AAK1: variants seen among roughly 807,000 people sequenced by gnomAD.
AAK1 encodes AP2-associated protein kinase 1.
A neutral mutation model predicts 116.0 loss-of-function variants in AAK1; 37 were observed. The observed-to-expected ratio is 0.32, with a 90% CI of 0.25 to 0.42. AAK1 has a LOEUF of 0.42. AAK1 is among the 10% of genes least tolerant of loss of function. AAK1 has a pLI of 1.00. For missense variants in AAK1, 919 were observed against 1,170.6 expected, an observed-to-expected ratio of 0.79 and a Z score of 3.14; for synonymous variants, 458 against 439.9, an observed-to-expected ratio of 1.04 and a Z score of -0.51.
chr2:69,630,333 C>T lies in AAK1; in HGVS notation c.163+12545G>A, dbSNP rs1304349084. On this transcript the variant is annotated intron_variant, in intron 2 of 21. Coordinates refer to ENST00000409085, the MANE Select transcript of AAK1 (RefSeq NM_014911.5). ...GGGTTTGTGAATACTCTGAGTGGGG[C>T]GGGGGGTGGGGGGGGAGGGGGAGGG... 7.7e-4 allele frequency among the ~76,000 whole-genome samples: 11 copies of T among 14,232 alleles called. No individual in the cohort carries two copies. In the East Asian group the frequency reaches 0.011, roughly 15 times the overall value. 9.3% of individuals were successfully genotyped at this position (14,232 alleles called of 152,430 possible).
chr2:69,637,012 T>C (rs1172305956), intron 2 of AAK1, among the ~76,000 whole-genome samples: 1 of 152,204 alleles, frequency 6.6e-6, no homozygotes, highest in Non-Finnish European at 1.5e-5. Flanking sequence ...TTTTAGATAA[T>C]TTAAATAGCC....
chr2:69,482,797 C>A lies in AAK1; in HGVS notation c.2381G>T (p.Gly794Val), dbSNP rs1302258903. 6.2e-7 allele frequency: 1 copy of A among 1,612,516 alleles called. No individual in the cohort carries two copies. Among genetic ancestry groups the A allele is most frequent in the South Asian group, 1.1e-5 (1 of 91,020 alleles). Residue 794 changes from glycine (G) to valine (V), a missense_variant, in exon 18 of 22, where the codon GGA becomes GTA. By Grantham distance (109) the Gly-to-Val change is moderately radical. This residue lies in a region of AAK1 where 263 missense variants were observed against 285.5 expected (regional missense o/e 0.92). Coordinates refer to ENST00000409085, the MANE Select transcript of AAK1 (RefSeq NM_014911.5). ...AAGAGAAGTGTCAGGAGATTTGAGTCCCTCAATTAGTTTTTCTACGTTGGG... is the reference window on the plus strand; with the variant it reads ...AAGAGAAGTGTCAGGAGATTTGAGTACCTCAATTAGTTTTTCTACGTTGGG... Reference protein sequence around the residue: ...VPDAPEKLIEGLKSPDTSLLL... With the variant: ...VPDAPEKLIEVLKSPDTSLLL...
At chr2:69,558,719 T>C (rs904781666) in intron 2 of AAK1, among the ~76,000 whole-genome samples, 4 of 152,172 alleles carry the variant, frequency 2.6e-5, no homozygotes, top group African/African-American at 7.2e-5. Context: ...GGAATTTGAA[T>C]TGGGGTTATG....
In AAK1 at chr2:69,520,360, T is replaced by C. The variant is rs948863190; in HGVS notation, c.1210+474A>G. ...GCCATTTGCGATACAATTCTTTTCT[T>C]TTTTTTTTTTTTTTTTTGAAGCGGA... On this transcript the variant is annotated intron_variant, in intron 11 of 21. Transcript: ENST00000409085. Among the ~76,000 whole-genome samples the C allele has an allele frequency of 2.1e-4, 30 of 144,422 alleles. No individual in the cohort carries two copies. In the East Asian group the frequency reaches 5.3e-3, roughly 26 times the overall value. 94.7% of individuals were successfully genotyped at this position (144,422 alleles called of 152,430 possible). A position where few individuals can be genotyped will look rare whatever the true frequency, so the allele number is the denominator to read the frequency against.
chr2:69,551,383 C>T (rs1184940524), intron 3 of AAK1, among the ~76,000 whole-genome samples: 4 of 152,128 alleles, frequency 2.6e-5, no homozygotes, highest in Non-Finnish European at 5.9e-5. Context: ...TGTACATGTA[C>T]CCTGGAACTT....
At chr2:69,535,242 A>G (rs1308172038) in intron 5 of AAK1, among the ~76,000 whole-genome samples, 1 of 152,224 alleles carries the variant, frequency 6.6e-6, no homozygotes, top group East Asian at 1.9e-4. Context: ...CACACAAAGG[A>G]TAAATGCTTG....
chr2:69,474,834 A>T lies in AAK1; in HGVS notation c.*1035T>A. On this transcript the variant is annotated 3_prime_UTR_variant, in exon 22 of 22. Transcript: ENST00000409085. ...TCAAAACCCTGTACAGACACCTGAT[A>T]TCAGACTTGAAATGCCAAGTGGAAA... 1 of 985,862 alleles carries T rather than the reference A, an allele frequency of 1.0e-6. No individual in the cohort carries two copies. Among genetic ancestry groups the T allele is most frequent in the South Asian group, 4.7e-5 (1 of 21,292 alleles). 61.1% of individuals were successfully genotyped at this position (985,862 alleles called of 1,614,324 possible). A position where few individuals can be genotyped will look rare whatever the true frequency, so the allele number is the denominator to read the frequency against.
At chr2:69,564,211 A>AAAAAG (rs1236120996) in intron 2 of AAK1, among the ~76,000 whole-genome samples, 1 of 152,116 alleles carries the variant, frequency 6.6e-6, no homozygotes, top group African/African-American at 2.4e-5. Context: ...AGAAAAAAGA[A>AAAAAG]AAAAGAAAAG....
intron 19 of AAK1, 89 bp downstream of exon 19, chr2:69,480,771 G>T: frequency 8.9e-7 from 1 of 1,127,122 alleles, no homozygotes; most frequent in Non-Finnish European, 1.3e-6. Flanking sequence ...TTCAAAATAA[G>T]CCCAGGAACG....
intron 16 of AAK1, among the ~76,000 whole-genome samples, chr2:69,500,686 T>TAC (rs1293878729): frequency 4.2e-4 from 46 of 110,460 alleles, no homozygotes; most frequent in African/African-American, 1.6e-3. Flanking sequence ...TATATATATA[T>TAC]ATATATATAT....
At chr2:69,580,454 C>T (rs919028503) in intron 2 of AAK1, among the ~76,000 whole-genome samples, 1 of 152,050 alleles carries the variant, frequency 6.6e-6, no homozygotes, top group Non-Finnish European at 1.5e-5. Flanking sequence ...GGGAGCTGCA[C>T]GGAAACCATA....
intron 14 of AAK1, among the ~76,000 whole-genome samples, 198 bp downstream of exon 14, chr2:69,509,033 C>A (rs1676292953): frequency 6.6e-6 from 1 of 152,190 alleles, no homozygotes; most frequent in Non-Finnish European, 1.5e-5. Context: ...AAATTCACAG[C>A]TGCTCATTAA....
intron 2 of AAK1, among the ~76,000 whole-genome samples, chr2:69,614,915 A>G (rs1165521143): frequency 6.6e-6 from 1 of 152,098 alleles, no homozygotes; most frequent in African/African-American, 2.4e-5. Flanking sequence ...GCAAGAAATG[A>G]TTCTCCCCTG....
intron 2 of AAK1, among the ~76,000 whole-genome samples, chr2:69,622,404 G>A (rs1018320772): frequency 3.9e-5 from 6 of 151,928 alleles, no homozygotes; most frequent in Non-Finnish European, 8.8e-5. Context: ...CCCATCAACT[G>A]CCCAAGGGCT....
In AAK1 at chr2:69,466,641, G is replaced by A; in HGVS notation, c.*9228C>T. 2.8e-6 allele frequency: 3 copies of A among 1,087,242 alleles called. No homozygotes were observed. Among genetic ancestry groups the A allele is most frequent in the South Asian group, 2.4e-5 (1 of 40,960 alleles). 67.3% of individuals were successfully genotyped at this position (1,087,242 alleles called of 1,614,324 possible). A position where few individuals can be genotyped will look rare whatever the true frequency, so the allele number is the denominator to read the frequency against. On this transcript the variant is annotated 3_prime_UTR_variant, in exon 22 of 22. Transcript: ENST00000409085. ...GGTCAACCCGCGGCAAAAACATTGT[G>A]GGACCAAATAATAGATGTTGAAAAT...
chr2:69,486,048 G>A (rs939780557), intron 17 of AAK1, among the ~76,000 whole-genome samples: 3 of 151,858 alleles, frequency 2.0e-5, no homozygotes, highest in Non-Finnish European at 4.4e-5. Context: ...TCGAACTCTC[G>A]GGCTCAACAG....
Position 69,464,110 on chromosome 2 carries a change from C to G in AAK1, c.*11759G>C, listed in dbSNP as rs1443490666. 1 of 152,552 alleles carries G rather than the reference C, an allele frequency of 6.6e-6. No homozygotes were observed. The highest frequency in any genetic ancestry group is 1.5e-5 in the Non-Finnish European group (1 of 68,022). 9.4% of individuals were successfully genotyped at this position (152,552 alleles called of 1,614,324 possible). On this transcript the variant is annotated 3_prime_UTR_variant, in exon 22 of 22. Coordinates refer to ENST00000409085, the MANE Select transcript of AAK1 (RefSeq NM_014911.5). ...GAGAATGTAAAAGTTTTCATGCCTA[C>G]CTGATTCAGCTCTTTTCCATTCTCC...
intron 2 of AAK1, among the ~76,000 whole-genome samples, chr2:69,580,304 T>C (rs537657553): frequency 6.6e-6 from 1 of 152,290 alleles, no homozygotes; most frequent in Admixed American, 6.5e-5. Context: ...TACTAAAGAA[T>C]ACCCTTTCCC....
chr2:69,606,364 T>C (rs1379082277), intron 2 of AAK1, among the ~76,000 whole-genome samples: 1 of 152,206 alleles, frequency 6.6e-6, no homozygotes, highest in Non-Finnish European at 1.5e-5. Flanking sequence ...TCACAAATCC[T>C]TCTCTTGTAC....
Sources: gnomAD v4.1 joint callset for allele counts (sites outside exome capture counted in the v4.1 genomes callset) on GRCh38, gnomAD v4.1.1 for gene constraint, gnomAD v4.1.1 regional missense constraint, MANE v1.5 for transcripts, NCBI Gene and HGNC (gene_info 2026-07-23, HGNC 2026-07-21) for gene names.